The following KAZN variants were observed in gnomAD, a reference collection of about 807,000 sequenced individuals.
KAZN encodes kazrin.
Under a neutral mutation model 87.4 loss-of-function variants are expected in KAZN, and 40 were observed. The observed-to-expected ratio is 0.46, with a 90% CI of 0.36 to 0.60. KAZN has a LOEUF of 0.60. KAZN is among the 20% of genes least tolerant of loss of function. The pLI, the probability that KAZN is intolerant of heterozygous loss-of-function variation, is 0.00. For synonymous variants in KAZN, 466 were observed against 458.3 expected, an observed-to-expected ratio of 1.02 and a Z score of -0.22; for missense variants, 898 against 1,073.9, an observed-to-expected ratio of 0.84 and a Z score of 2.29.
chr1:13,998,787 G>T (rs929412256), intron 1 of KAZN, among the ~76,000 whole-genome samples: 11 of 152,128 alleles, frequency 7.2e-5, no homozygotes, highest in African/African-American at 2.7e-4. Context: ...ACACCCCACT[G>T]TCAATATTAG....
intron 2 of KAZN, among the ~76,000 whole-genome samples, chr1:14,542,501 A>T (rs1340195491): frequency 6.6e-6 from 1 of 152,226 alleles, no homozygotes; most frequent in Non-Finnish European, 1.5e-5. Flanking sequence ...TATACTTCAG[A>T]TTTTAAGGAC....
chr1:14,194,768 G>C (rs1646492303), intron 2 of KAZN, among the ~76,000 whole-genome samples: 1 of 152,182 alleles, frequency 6.6e-6, no homozygotes, highest in South Asian at 2.1e-4. Flanking sequence ...GCCTAAATCA[G>C]AGCAGCTGAA....
In KAZN at chr1:14,909,769, G is replaced by T. The variant is rs150141326; in HGVS notation, c.227-50915G>T. 6.7e-4 allele frequency among the ~76,000 whole-genome samples: 102 copies of T among 152,308 alleles called. 1 individual carries two copies. The highest frequency in any genetic ancestry group is 2.3e-3 in the African/African-American group (97 of 41,570). ...TGCTTTCATAAATGCATGATGGCCA[G>T]GCTTGGTGCTTATGCCTGTTTAACC... On this transcript the variant is annotated intron_variant, in intron 1 of 14. Transcript: ENST00000376030.
chr1:14,731,471 G>A (rs913136699), intron 1 of KAZN, among the ~76,000 whole-genome samples: 1 of 152,080 alleles, frequency 6.6e-6, no homozygotes, highest in Non-Finnish European at 1.5e-5. Context: ...GAACTTTTTT[G>A]GTTCCCCTCC....
At chr1:15,064,193 C>G (rs1639040463) in intron 7 of KAZN, among the ~76,000 whole-genome samples, 1 of 152,170 alleles carries the variant, frequency 6.6e-6, no homozygotes, top group Non-Finnish European at 1.5e-5. Context: ...GGAGGACAAA[C>G]AACATGAATT....
chr1:14,828,194 G>A (rs2100861987), intron 1 of KAZN, among the ~76,000 whole-genome samples: 1 of 152,328 alleles, frequency 6.6e-6, no homozygotes, highest in Non-Finnish European at 1.5e-5. Context: ...TTTCTGAATT[G>A]TGATCATTGT....
chr1:15,103,756 C>T (rs1641187871), intron 12 of KAZN, among the ~76,000 whole-genome samples: 2 of 152,156 alleles, frequency 1.3e-5, no homozygotes, highest in South Asian at 2.1e-4. Flanking sequence ...GAGCCAGCCC[C>T]ACTCTCCTAA....
intron 8 of KAZN, among the ~76,000 whole-genome samples, chr1:15,076,344 G>T (rs927419539): frequency 1.3e-5 from 2 of 152,202 alleles, no homozygotes; most frequent in African/African-American, 4.8e-5. Flanking sequence ...GAATTGATCG[G>T]CCTCCTACAG....
chr1:14,573,562 A>C (rs1241391788), intron 2 of KAZN, among the ~76,000 whole-genome samples: 1 of 152,068 alleles, frequency 6.6e-6, no homozygotes, highest in Non-Finnish European at 1.5e-5. Flanking sequence ...CAGAAGAATC[A>C]CTTAAACCCA....
At chr1:14,101,009 A>G (rs1644238284) in intron 1 of KAZN, among the ~76,000 whole-genome samples, 1 of 152,240 alleles carries the variant, frequency 6.6e-6, no homozygotes, top group South Asian at 2.1e-4. Flanking sequence ...GCCTTCCGCC[A>G]TAATCGTGAG....
chr1:15,015,431 G>A (rs565802579), intron 2 of KAZN, among the ~76,000 whole-genome samples: 22 of 152,256 alleles, frequency 1.4e-4, no homozygotes, highest in African/African-American at 2.6e-4. Context: ...GATTATAGGC[G>A]TGAGCCACCG....
At chr1:14,158,541 T>C (rs1000662761) in intron 1 of KAZN, among the ~76,000 whole-genome samples, 1 of 152,196 alleles carries the variant, frequency 6.6e-6, no homozygotes, top group African/African-American at 2.4e-5. Flanking sequence ...TCTTTGAGTT[T>C]CCTCAACAAA....
chr1:14,414,403 C>T (rs1052442301), intron 2 of KAZN, among the ~76,000 whole-genome samples: 1 of 148,892 alleles, frequency 6.7e-6, no homozygotes, highest in Non-Finnish European at 1.5e-5. Flanking sequence ...GCCAAGAATC[C>T]ACTAACCAAA....
intron 2 of KAZN, among the ~76,000 whole-genome samples, chr1:14,266,171 G>A (rs1651460848): frequency 6.6e-6 from 1 of 152,218 alleles, no homozygotes; most frequent in South Asian, 2.1e-4. Context: ...AACTCTATGT[G>A]TCTTTACCTG....
At chr1:14,937,954 G>T (rs764425049) in intron 1 of KAZN, among the ~76,000 whole-genome samples, 35 of 152,244 alleles carry the variant, frequency 2.3e-4, no homozygotes, top group Non-Finnish European at 4.4e-4. Context: ...GGGCACCTTT[G>T]CCTTACTCTG....
rs561634742 is a variant in KAZN, at chr1:14,903,252, G to A, written c.227-57432G>A. Among the ~76,000 whole-genome samples the A allele has an allele frequency of 2.6e-5, 4 of 152,244 alleles. No homozygotes were observed. The East Asian group carries it at 5.8e-4, about 22-fold the overall frequency. ...AGGCAAGAAAAAAATTGCTGATAGC[G>A]TCTCCATGCTTGTAAACCCAAACAC... On this transcript the variant is annotated intron_variant, in intron 1 of 14. Transcript: ENST00000376030.
chr1:14,494,672 T>A (rs893726266), intron 2 of KAZN, among the ~76,000 whole-genome samples: 2 of 152,198 alleles, frequency 1.3e-5, no homozygotes, highest in African/African-American at 4.8e-5. Flanking sequence ...ACTTCTGACC[T>A]CCTGAACCAA....
intron 1 of KAZN, among the ~76,000 whole-genome samples, chr1:14,857,036 G>A (rs1224385965): frequency 6.6e-6 from 1 of 152,190 alleles, no homozygotes; most frequent in Non-Finnish European, 1.5e-5. Context: ...GGATGTCAGG[G>A]GAGAGAAGGA....
At chr1:14,647,490 T>C (rs1379211310) in intron 1 of KAZN, among the ~76,000 whole-genome samples, 1 of 152,176 alleles carries the variant, frequency 6.6e-6, no homozygotes, top group Non-Finnish European at 1.5e-5. Context: ...TGGAGTTTCC[T>C]GGATCATCTT....
Sources: gnomAD v4.1 joint callset for allele counts (sites outside exome capture counted in the v4.1 genomes callset) on GRCh38, gnomAD v4.1.1 for gene constraint, MANE v1.5 for transcripts, NCBI Gene and HGNC (gene_info 2026-07-23, HGNC 2026-07-21) for gene names.